Variants in UBE2D1 observed in about 807,000 individuals in gnomAD.
The protein encoded by UBE2D1 is ubiquitin-conjugating enzyme E2 D1.
A neutral mutation model predicts 24.6 loss-of-function variants in UBE2D1; 9 were observed. The ratio of observed to expected loss-of-function variants is 0.37; its 90% CI spans 0.22 to 0.64. The LOEUF (loss-of-function observed/expected upper bound fraction) is 0.64. UBE2D1 is among the 30% of genes least tolerant of loss of function. The pLI is 0.64. For missense variants in UBE2D1, 87 were observed against 177.1 expected (o/e 0.49, Z 2.89); for synonymous variants, 57 against 57.6 (o/e 0.99, Z 0.04).
intron 1 of UBE2D1, among the ~76,000 whole-genome samples, chr10:58,359,709 A>G (rs1840173770): frequency 6.6e-6 from 1 of 152,248 alleles, no homozygotes; most frequent in Admixed American, 6.5e-5. Context: ...GCAGTGAAGT[A>G]TGTCACCTTA....
Position 58,335,234 on chromosome 10 carries a change from C to A in UBE2D1, c.24+9C>A. 2 of 1,535,508 alleles carry A rather than the reference C, an allele frequency of 1.3e-6. No homozygotes were observed. Among genetic ancestry groups the A allele is most frequent in the South Asian group, 1.2e-5 (1 of 83,366 alleles). The stretch of plus-strand genomic sequence containing the variant: ...TGAAGAGGATTCAGAAAGTGAGTGC[C>A]GGGGCCGGGCCTGGGGCTGCGGGGC... On this transcript the variant is annotated intron_variant, in intron 1 of 6. Transcript: ENST00000373910.
chr10:58,345,173 A>C, intron 1 of UBE2D1, among the ~76,000 whole-genome samples: 1 of 151,966 alleles, frequency 6.6e-6, no homozygotes, highest in African/African-American at 2.4e-5. Context: ...CCTATGTAAT[A>C]GATTTTTAAG....
At chr10:58,339,177 T>A (rs956106730) in intron 1 of UBE2D1, among the ~76,000 whole-genome samples, 3 of 152,008 alleles carry the variant, frequency 2.0e-5, no homozygotes, top group African/African-American at 7.2e-5. Flanking sequence ...ACAATCTCGG[T>A]TTTCTGTGAC....
Position 58,368,216 on chromosome 10 carries a change from G to A in UBE2D1, c.398+200G>A, listed in dbSNP as rs537405835. 738 of 474,954 alleles carry A rather than the reference G, an allele frequency of 1.6e-3. 2 individuals are homozygous for A. Among genetic ancestry groups the A allele is most frequent in the Non-Finnish European group, 1.9e-3 (496 of 263,978 alleles). 29.4% of individuals were successfully genotyped at this position (474,954 alleles called of 1,614,324 possible). On this transcript the variant is annotated intron_variant, in intron 6 of 6. Transcript: ENST00000373910. Reference sequence around the variant, plus strand: ...TAAATCTTGTTCCTTCCCACTTACTGTTCAATAGTATATACTCTGTATTTG... The same window carrying A: ...TAAATCTTGTTCCTTCCCACTTACTATTCAATAGTATATACTCTGTATTTG...
In UBE2D1 at chr10:58,361,359, G is replaced by C. The variant is rs749124643; in HGVS notation, c.46G>C (p.Asp16His). The change falls in exon 2 of 7, where the codon GAT becomes CAT. Residue 16 changes from aspartate (D) to histidine (H), a missense_variant. Physicochemically the swap from Asp to His is moderately conservative, Grantham distance 81 (BLOSUM62 -1). Coordinates refer to ENST00000373910, the MANE Select transcript of UBE2D1 (RefSeq NM_003338.5). ...TCAGGAATTGAGTGATCTACAGCGCGATCCACCTGCTCACTGTTCAGCTGG... is the reference window on the plus strand; with the variant it reads ...TCAGGAATTGAGTGATCTACAGCGCCATCCACCTGCTCACTGTTCAGCTGG... ...IQKELSDLQR[D>H]PPAHCSAGPV... The C allele has an allele frequency of 6.2e-7, 1 of 1,614,108 alleles. No individual in the cohort carries two copies. The highest frequency in any genetic ancestry group is 8.5e-7 in the Non-Finnish European group (1 of 1,180,018).
intron 1 of UBE2D1, among the ~76,000 whole-genome samples, chr10:58,351,108 C>T (rs1588999425): frequency 1.3e-5 from 2 of 152,054 alleles, no homozygotes; most frequent in South Asian, 2.1e-4. Context: ...GGTAAGTCAG[C>T]GAGTAAGTGG....
At chr10:58,357,161 GT>G (rs1840140420) in intron 1 of UBE2D1, among the ~76,000 whole-genome samples, 2 of 152,144 alleles carry the variant, frequency 1.3e-5, no homozygotes, top group South Asian at 4.1e-4. Context: ...TCTTGAGCAA[GT>G]TGTCTAATTC....
rs1299668011 is a variant in UBE2D1 at position 58,370,086 on chromosome 10, T to C, written c.*1321T>C. 2 of 151,716 alleles carry C rather than the reference T, an allele frequency of 1.3e-5. No homozygotes were observed. The highest frequency in any genetic ancestry group is 4.8e-5 in the African/African-American group (2 of 41,346). The allele number at this position is 151,716 out of a possible 1,614,324, so 9.4% of individuals were successfully genotyped here. ...TTTACTATAGAAGTTACAAAGGAAGTTCTAAAATTATGCCTCCCTCTGTTT... is the reference window on the plus strand; with the variant it reads ...TTTACTATAGAAGTTACAAAGGAAGCTCTAAAATTATGCCTCCCTCTGTTT... On this transcript the variant is annotated 3_prime_UTR_variant, in exon 7 of 7. Coordinates refer to ENST00000373910, the MANE Select transcript of UBE2D1 (RefSeq NM_003338.5).
intron 1 of UBE2D1, among the ~76,000 whole-genome samples, chr10:58,346,171 C>T (rs191288016): frequency 5.9e-5 from 9 of 151,980 alleles, no homozygotes; most frequent in South Asian, 2.1e-4. Flanking sequence ...CCACCATGCC[C>T]GGCTAATTTT....
chr10:58,363,510 T>C, intron 3 of UBE2D1, 99 bp from the exon 4 acceptor site: 3 of 760,016 alleles, frequency 3.9e-6, no homozygotes, highest in Non-Finnish European at 6.2e-6. Flanking sequence ...TTAAACATGA[T>C]GGCATTTTTT....
intron 5 of UBE2D1, among the ~76,000 whole-genome samples, chr10:58,365,559 G>A (rs1159001918): frequency 6.6e-6 from 1 of 152,180 alleles, no homozygotes; most frequent in African/African-American, 2.4e-5. Context: ...CAAGATCTGT[G>A]CTGATTCTCA....
chr10:58,358,234 A>G (rs1840153945), intron 1 of UBE2D1, among the ~76,000 whole-genome samples: 1 of 152,206 alleles, frequency 6.6e-6, no homozygotes, highest in Non-Finnish European at 1.5e-5. Context: ...CAAGTCATTA[A>G]CAATTTTTTA....
intron 1 of UBE2D1, among the ~76,000 whole-genome samples, chr10:58,349,604 C>T (rs539723349): frequency 2.7e-4 from 41 of 152,106 alleles, no homozygotes; most frequent in African/African-American, 9.4e-4. Flanking sequence ...TAGATCCTTG[C>T]CCTTTTTTTT....
rs532954277 is a variant in UBE2D1, at chr10:58,335,322, G to A, written c.24+97G>A. ...CGAGAGACATGCGGGGAGAGCAAGG[G>A]ATGGAAGGGTGGGCCGGGGTGCGGG... On this transcript the variant is annotated intron_variant, in intron 1 of 6. Transcript: ENST00000373910. 14 of 1,345,576 alleles carry A rather than the reference G, an allele frequency of 1.0e-5. No individual in the cohort carries two copies. In the African/African-American group the frequency reaches 2.1e-4, roughly 21 times the overall value. 83.4% of individuals were successfully genotyped at this position (1,345,576 alleles called of 1,614,324 possible).
chr10:58,359,363 G>C (rs2132328477), intron 1 of UBE2D1, among the ~76,000 whole-genome samples: 1 of 152,264 alleles, frequency 6.6e-6, no homozygotes, highest in Middle Eastern at 3.4e-3. Flanking sequence ...CTGTACAGTT[G>C]ATGACATCTT....
In UBE2D1 at chr10:58,339,774, G is replaced by A. The variant is rs528593028; in HGVS notation, c.24+4549G>A. The stretch of plus-strand genomic sequence containing the variant: ...TCCACATTCCTTTTTTTTTTTTTCA[G>A]TCTTAGAATCTTTTATTTAATACCT... On this transcript the variant is annotated intron_variant, in intron 1 of 6. Coordinates refer to ENST00000373910, the MANE Select transcript of UBE2D1 (RefSeq NM_003338.5). 5.2e-4 allele frequency among the ~76,000 whole-genome samples: 75 copies of A among 144,382 alleles called. 4 individuals are homozygous for A. The South Asian group carries it at 0.016, about 30-fold the overall frequency. The allele number at this position is 144,382 out of a possible 152,430, so 94.7% of individuals were successfully genotyped here.
At chr10:58,340,389 G>T (rs1839949863) in intron 1 of UBE2D1, among the ~76,000 whole-genome samples, 1 of 152,154 alleles carries the variant, frequency 6.6e-6, no homozygotes, top group Non-Finnish European at 1.5e-5. Context: ...TTGTTCAGCA[G>T]AGCAAATTTG....
chr10:58,342,343 G>A (rs767231382), intron 1 of UBE2D1, among the ~76,000 whole-genome samples: 4 of 152,000 alleles, frequency 2.6e-5, no homozygotes, highest in Non-Finnish European at 5.9e-5. Flanking sequence ...TAGATTCCTG[G>A]GTTTTTTTTC....
intron 1 of UBE2D1, among the ~76,000 whole-genome samples, chr10:58,351,052 A>G (rs906807829): frequency 5.9e-5 from 9 of 152,236 alleles, no homozygotes; most frequent in Non-Finnish European, 1.2e-4. Flanking sequence ...ATGCCTGTAT[A>G]GGGCACTTAC....
Sources: allele counts gnomAD v4.1 joint callset (sites outside exome capture counted in the v4.1 genomes callset), GRCh38; gene constraint gnomAD v4.1.1; transcripts MANE v1.5; gene names NCBI Gene and HGNC (gene_info 2026-07-23, HGNC 2026-07-21).